Variants in TNNI3K observed in about 807,000 individuals in gnomAD.
TNNI3K encodes TNNI3 interacting kinase.
In TNNI3K, 140 loss-of-function variants were observed where a neutral mutation model predicts 114.5. The observed-to-expected ratio is 1.22, with a 90% confidence interval of 1.07 to 1.41. TNNI3K has a LOEUF of 1.41. Among genes scored for constraint, TNNI3K ranks in the 40% most tolerant of loss-of-function variants. The pLI is 0.00. For missense variants in TNNI3K, 1,125 were observed against 1,007.6 expected (o/e 1.12, Z -1.58); for synonymous variants, 347 against 347.5 (o/e 1.00, Z 0.02).
chr1:74,425,126 G>C (rs1052393201), intron 17 of TNNI3K, among the ~76,000 whole-genome samples: 1 of 152,084 alleles, frequency 6.6e-6, no homozygotes, highest in African/African-American at 2.4e-5. Flanking sequence ...GAAGTCATTG[G>C]TGTGAGTAGA....
intron 20 of TNNI3K, among the ~76,000 whole-genome samples, chr1:74,440,280 T>C (rs1460858190): frequency 6.6e-6 from 1 of 152,124 alleles, no homozygotes; most frequent in Non-Finnish European, 1.5e-5. Context: ...CAATTGCATT[T>C]GGATTGCTTT....
chr1:74,529,513 C>T (rs1646552826), intron 23 of TNNI3K, among the ~76,000 whole-genome samples: 1 of 152,196 alleles, frequency 6.6e-6, no homozygotes, highest in South Asian at 2.1e-4. Flanking sequence ...GCATGTGATT[C>T]TGAATTAGAT....
In TNNI3K at chr1:74,411,959, T is replaced by G. The variant is rs191971893; in HGVS notation, c.1773-24121T>G. Among the ~76,000 whole-genome samples, 889 of 152,282 alleles carry G rather than the reference T, an allele frequency of 5.8e-3. 6 individuals are homozygous for G. The highest frequency in any genetic ancestry group is 0.02 in the African/African-American group (839 of 41,562). Reference sequence around the variant, plus strand: ...TATTAAGAAATATAAAATAAAATAGTTTACATATTGTTCAATACATAGTTC... The same window carrying G: ...TATTAAGAAATATAAAATAAAATAGGTTACATATTGTTCAATACATAGTTC... On this transcript the variant is annotated intron_variant, in intron 17 of 24. Transcript: ENST00000326637.
intron 23 of TNNI3K, among the ~76,000 whole-genome samples, chr1:74,531,292 A>G (rs1249074590): frequency 6.6e-6 from 1 of 152,240 alleles, no homozygotes; most frequent in Non-Finnish European, 1.5e-5. Context: ...AAACAAAATA[A>G]TGCTTTGAAA....
At chr1:74,369,639 G>A in intron 16 of TNNI3K, 54 bp downstream of exon 16, 1 of 1,506,090 alleles carries the variant, frequency 6.6e-7, no homozygotes, top group Non-Finnish European at 8.9e-7. Flanking sequence ...AACTACTCTT[G>A]CAATACTTCA....
chr1:74,327,925 C>CA (rs1163967267), intron 5 of TNNI3K, among the ~76,000 whole-genome samples: 4 of 150,900 alleles, frequency 2.7e-5, no homozygotes, highest in African/African-American at 9.7e-5. Flanking sequence ...TATAGTCTCA[C>CA]AAAAAAATTC....
At chr1:74,417,469 T>A (rs1435366849) in intron 17 of TNNI3K, among the ~76,000 whole-genome samples, 1 of 152,024 alleles carries the variant, frequency 6.6e-6, no homozygotes, top group East Asian at 1.9e-4. Context: ...CGTTCTGAAA[T>A]TTTTCTCCCT....
intron 5 of TNNI3K, among the ~76,000 whole-genome samples, chr1:74,292,771 C>A (rs541728674): frequency 1.8e-4 from 28 of 151,656 alleles, no homozygotes; most frequent in African/African-American, 6.7e-4. Flanking sequence ...TTGGCTTTAT[C>A]AATTTTGTGT....
At chr1:74,477,138 C>A (rs1668243601) in intron 21 of TNNI3K, among the ~76,000 whole-genome samples, 1 of 152,022 alleles carries the variant, frequency 6.6e-6, no homozygotes, top group Non-Finnish European at 1.5e-5. Flanking sequence ...TTATCCCAAA[C>A]AAGGATTTTG....
chr1:74,377,366 A>T (rs1275627751), intron 17 of TNNI3K, among the ~76,000 whole-genome samples: 1 of 152,018 alleles, frequency 6.6e-6, no homozygotes, highest in African/African-American at 2.4e-5. Context: ...ATAGGTCCCA[A>T]GATTTGGCAG....
intron 2 of TNNI3K, among the ~76,000 whole-genome samples, chr1:74,245,632 T>C (rs1036226019): frequency 1.3e-5 from 2 of 152,128 alleles, no homozygotes; most frequent in Non-Finnish European, 2.9e-5. Flanking sequence ...ATTCAGAACA[T>C]TATCATCAAG....
At chr1:74,483,850 A>G (rs1254896753) in intron 21 of TNNI3K, among the ~76,000 whole-genome samples, 1 of 152,194 alleles carries the variant, frequency 6.6e-6, no homozygotes, top group African/African-American at 2.4e-5. Context: ...TGAGTCTTAC[A>G]TGATTACAAC....
chr1:74,288,177 GA>G (rs1657449604), intron 5 of TNNI3K, among the ~76,000 whole-genome samples: 1 of 152,016 alleles, frequency 6.6e-6, no homozygotes, highest in Admixed American at 6.5e-5. Context: ...TTCAAAATAT[GA>G]CTACCATGTG....
At chr1:74,363,746 T>TC (rs1557521758) in intron 11 of TNNI3K, among the ~76,000 whole-genome samples, 1 of 151,724 alleles carries the variant, frequency 6.6e-6, no homozygotes, top group Non-Finnish European at 1.5e-5. Flanking sequence ...TTGTTTTTAT[T>TC]CCCCCAAGAA....
intron 5 of TNNI3K, among the ~76,000 whole-genome samples, chr1:74,322,529 C>T (rs1042404301): frequency 6.7e-6 from 1 of 149,900 alleles, no homozygotes. Context: ...GGCACCATCT[C>T]GGCTCACGGC....
intron 23 of TNNI3K, among the ~76,000 whole-genome samples, chr1:74,498,956 A>C (rs1365325425): frequency 3.3e-5 from 5 of 152,244 alleles, no homozygotes; most frequent in Non-Finnish European, 5.9e-5. Flanking sequence ...TTTAGCATGA[A>C]ATAAAAGCAA....
chr1:74,426,780 T>A (rs915491196), intron 17 of TNNI3K, among the ~76,000 whole-genome samples: 1 of 151,998 alleles, frequency 6.6e-6, no homozygotes, highest in Non-Finnish European at 1.5e-5. Flanking sequence ...TTGGATCTGG[T>A]TTCTTAAATG....
chr1:74,373,757 C>T (rs1662732928), intron 17 of TNNI3K: 1 of 151,716 alleles, frequency 6.6e-6, no homozygotes, highest in Non-Finnish European at 1.5e-5. Context: ...CGGGATGGGG[C>T]ACTTTTATAT....
intron 5 of TNNI3K, among the ~76,000 whole-genome samples, chr1:74,305,757 A>C (rs1557486769): frequency 6.6e-6 from 1 of 152,226 alleles, no homozygotes; most frequent in East Asian, 1.9e-4. Context: ...TAAAATTTGC[A>C]AAAGAAAGAA....
Sources: allele counts gnomAD v4.1 joint callset (sites outside exome capture counted in the v4.1 genomes callset), GRCh38; gene constraint gnomAD v4.1.1; transcripts MANE v1.5; gene names NCBI Gene and HGNC (gene_info 2026-07-23, HGNC 2026-07-21).